TUSC3: variants seen among roughly 807,000 people sequenced by gnomAD.
TUSC3 encodes dolichyl-diphosphooligosaccharide--protein glycosyltransferase subunit TUSC3.
TUSC3 carries 45 observed loss-of-function variants against 44.8 expected under a neutral mutation model. The ratio of observed to expected loss-of-function variants is 1.00; its 90% CI spans 0.79 to 1.29. The LOEUF is 1.29. Ranked by LOEUF, TUSC3 falls within the 50% of genes most tolerant of loss-of-function variation. TUSC3 has a pLI of 0.00. For synonymous variants in TUSC3, 212 were observed against 152.9 expected, an observed-to-expected ratio of 1.39 and a Z score of -2.85; for missense variants, 519 against 437.9, an observed-to-expected ratio of 1.19 and a Z score of -1.65.
chr8:15,445,925 G>A (rs564143067), intron 1 of TUSC3, among the ~76,000 whole-genome samples: 20 of 126,740 alleles, frequency 1.6e-4, no homozygotes, highest in Admixed American at 8.0e-4. Flanking sequence ...CCCACCTTCC[G>A]GACGGGGCGG....
At chr8:15,666,334 T>C (rs766101081) in intron 5 of TUSC3, among the ~76,000 whole-genome samples, 3 of 151,572 alleles carry the variant, frequency 2.0e-5, no homozygotes. Context: ...AACCTTATTA[T>C]CACAGTAAAT....
chr8:15,644,646 A>G (rs1806543130), intron 2 of TUSC3, among the ~76,000 whole-genome samples: 1 of 152,124 alleles, frequency 6.6e-6, no homozygotes, highest in South Asian at 2.1e-4. Flanking sequence ...CGCATAAGGG[A>G]TAATGGGGGT....
the TUSC3 span, among the ~76,000 whole-genome samples, chr8:15,811,222 G>C: frequency 3.9e-5 from 6 of 152,132 alleles, no homozygotes; most frequent in African/African-American, 1.4e-4. Context: ...AAATCTCAGA[G>C]ACATAACAAA....
chr8:15,795,709 G>T, the TUSC3 span, among the ~76,000 whole-genome samples: 1 of 152,334 alleles, frequency 6.6e-6, no homozygotes, highest in East Asian at 1.9e-4. Flanking sequence ...GAGTGCCCCA[G>T]GTAGTACCCA....
chr8:15,582,775 A>G (rs1020968968), intron 1 of TUSC3, among the ~76,000 whole-genome samples: 4 of 152,194 alleles, frequency 2.6e-5, no homozygotes, highest in African/African-American at 9.6e-5. Flanking sequence ...CTCAACTCGA[A>G]GATTAGTCTT....
intron 2 of TUSC3, among the ~76,000 whole-genome samples, chr8:15,628,576 G>A (rs1003787289): frequency 5.3e-5 from 8 of 152,114 alleles, no homozygotes; most frequent in African/African-American, 1.4e-4. Context: ...GAAAGAACAG[G>A]TTAAAGTTAA....
intron 2 of TUSC3, among the ~76,000 whole-genome samples, chr8:15,633,901 A>C (rs1341458266): frequency 6.6e-6 from 1 of 152,076 alleles, no homozygotes; most frequent in Admixed American, 6.6e-5. Context: ...ACCACCTTTT[A>C]CCTACTGGAT....
chr8:15,830,155 T>C, the TUSC3 span, among the ~76,000 whole-genome samples: 36 of 152,238 alleles, frequency 2.4e-4, no homozygotes, highest in African/African-American at 8.2e-4. Flanking sequence ...GGTTTTTTTT[T>C]TCCTGTTGTT....
chr8:15,794,430 C>T, the TUSC3 span, among the ~76,000 whole-genome samples: 1 of 152,116 alleles, frequency 6.6e-6, no homozygotes, highest in Non-Finnish European at 1.5e-5. Flanking sequence ...ATAAGTCTAA[C>T]ATAATTTGAA....
intron 1 of TUSC3, among the ~76,000 whole-genome samples, chr8:15,571,097 G>A (rs1438510124): frequency 3.3e-5 from 5 of 151,142 alleles, no homozygotes; most frequent in Admixed American, 6.6e-5. Context: ...GGGATTATAG[G>A]TGCCTGCCAC....
chr8:15,628,052 T>C (rs1173037109), intron 2 of TUSC3, among the ~76,000 whole-genome samples: 1 of 152,220 alleles, frequency 6.6e-6, no homozygotes, highest in East Asian at 1.9e-4. Flanking sequence ...AATACCTTAG[T>C]TGCCATTTTG....
the TUSC3 span, among the ~76,000 whole-genome samples, chr8:15,776,758 GTA>G: frequency 6.6e-6 from 1 of 151,968 alleles, no homozygotes; most frequent in African/African-American, 2.4e-5. Context: ...CCATCACAAA[GTA>G]TTCTTTTAAG....
intron 6 of TUSC3, among the ~76,000 whole-genome samples, chr8:15,707,660 A>T (rs951274113): frequency 7.9e-5 from 12 of 151,960 alleles, no homozygotes; most frequent in African/African-American, 2.9e-4. Context: ...ATGACTCTAT[A>T]GGAGATGTGG....
intron 5 of TUSC3, among the ~76,000 whole-genome samples, chr8:15,666,043 C>T (rs1365406565): frequency 1.3e-5 from 2 of 151,544 alleles, no homozygotes; most frequent in African/African-American, 4.8e-5. Flanking sequence ...TATTGAAATA[C>T]ACTAGTACAT....
At chr8:15,495,654 A>G (rs1800871129) in intron 2 of TUSC3, among the ~76,000 whole-genome samples, 1 of 152,174 alleles carries the variant, frequency 6.6e-6, no homozygotes, top group Non-Finnish European at 1.5e-5. Context: ...TTTGGGGGGC[A>G]GTATGGGAGC....
At chr8:15,452,611 C>T (rs1302890379) in intron 1 of TUSC3, among the ~76,000 whole-genome samples, 1 of 152,170 alleles carries the variant, frequency 6.6e-6, no homozygotes, top group African/African-American at 2.4e-5. Flanking sequence ...AGCTATAAGG[C>T]AGACTTACGT....
At chr8:15,488,684 A>C (rs1051783945) in intron 2 of TUSC3, among the ~76,000 whole-genome samples, 1 of 152,136 alleles carries the variant, frequency 6.6e-6, no homozygotes, top group Non-Finnish European at 1.5e-5. Context: ...CTTTATAAGG[A>C]AAGAAAGATG....
At chr8:15,648,750 A>AAAAAAAAAAAAAAAAAAC (rs1806748424) in intron 2 of TUSC3, among the ~76,000 whole-genome samples, 1 of 146,994 alleles carries the variant, frequency 6.8e-6, no homozygotes, top group Non-Finnish European at 1.5e-5. Flanking sequence ...AAAAAAAAAA[A>AAAAAAAAAAAAAAAAAAC]AAAAAAGACA....
chr8:15,728,730 A>G (rs78134879), intron 6 of TUSC3, among the ~76,000 whole-genome samples: 4 of 152,160 alleles, frequency 2.6e-5, no homozygotes, highest in Non-Finnish European at 4.4e-5. Flanking sequence ...TAAAGCCATG[A>G]AACTGGATGA....
Sources: gnomAD v4.1 joint callset for allele counts (sites outside exome capture counted in the v4.1 genomes callset) on GRCh38, gnomAD v4.1.1 for gene constraint, MANE v1.5 for transcripts, NCBI Gene and HGNC (gene_info 2026-07-23, HGNC 2026-07-21) for gene names.